MLPH: variants seen among roughly 807,000 people sequenced by gnomAD.
The protein encoded by MLPH is melanophilin.
In MLPH, 51 loss-of-function variants were observed where a neutral mutation model predicts 72.1. That is an observed-to-expected ratio of 0.71 (90% confidence interval 0.56 to 0.89). The LOEUF is 0.89. MLPH is among the 40% of genes least tolerant of loss of function. The pLI, the probability that MLPH is intolerant of heterozygous loss-of-function variation, is 0.00. For synonymous variants in MLPH, 301 were observed against 310.1 expected, an observed-to-expected ratio of 0.97 and a Z score of 0.31; for missense variants, 743 against 759.9, an observed-to-expected ratio of 0.98 and a Z score of 0.26.
chr2:237,528,090 G>A (rs2080342067), intron 8 of MLPH, among the ~76,000 whole-genome samples: 1 of 152,130 alleles, frequency 6.6e-6, no homozygotes, highest in South Asian at 2.1e-4. Flanking sequence ...AATAGAGACA[G>A]AAACTAGAAT....
At chr2:237,516,000 G>A (rs1473597027) in intron 4 of MLPH, among the ~76,000 whole-genome samples, 1 of 152,242 alleles carries the variant, frequency 6.6e-6, no homozygotes, top group Non-Finnish European at 1.5e-5. Flanking sequence ...AGGCCACCCT[G>A]GGCCCTGCAC....
chr2:237,505,540 T>G lies in MLPH; in HGVS notation c.111-5034T>G, dbSNP rs1055340217. Among the ~76,000 whole-genome samples, 2 of 152,138 alleles carry G rather than the reference T, an allele frequency of 1.3e-5. No homozygotes were observed. The highest frequency in any genetic ancestry group is 4.8e-5 in the African/African-American group (2 of 41,434). ...GTGGGAGCTTCCCCCTGCTGTGCCT[T>G]CAGGGGTGGCCACCAGCCCCGCCAT... On this transcript the variant is annotated intron_variant, in intron 2 of 15. Coordinates refer to ENST00000264605, the MANE Select transcript of MLPH (RefSeq NM_024101.7). This position sits in a 1 kb window ranked among gnomAD's most constrained non-coding sequence, Gnocchi z 4.5.
intron 6 of MLPH, among the ~76,000 whole-genome samples, chr2:237,524,866 G>C (rs2080268258): frequency 6.6e-6 from 1 of 152,192 alleles, no homozygotes; most frequent in South Asian, 2.1e-4. Flanking sequence ...GCTGGGGCGG[G>C]GCTCGGTCCA....
In MLPH at chr2:237,554,889, T is replaced by C. The variant is rs1396921269; in HGVS notation, c.*1297T>C. ...ACCTGTGAGCACACATTAGCAGCTG[T>C]TTCTCTGACTCCTTGTGGCATCAGA... On this transcript the variant is annotated 3_prime_UTR_variant, in exon 16 of 16. Transcript: ENST00000264605. 6.6e-6 allele frequency: 1 copy of C among 152,250 alleles called. No homozygotes were observed. The highest frequency in any genetic ancestry group is 2.4e-5 in the African/African-American group (1 of 41,452). The allele number at this position is 152,250 out of a possible 1,614,324, so 9.4% of individuals were successfully genotyped here. A position where few individuals can be genotyped will look rare whatever the true frequency, so the allele number is the denominator to read the frequency against.
At chr2:237,536,796 C>T (rs967874571) in intron 9 of MLPH, among the ~76,000 whole-genome samples, 7 of 152,216 alleles carry the variant, frequency 4.6e-5, no homozygotes, top group East Asian at 1.9e-4. Context: ...ACTCGGGACC[C>T]GCTGTCCTGT....
intron 4 of MLPH, chr2:237,518,024 G>A (rs1306706031): frequency 7.6e-6 from 2 of 263,388 alleles, no homozygotes; most frequent in Non-Finnish European, 1.5e-5. Flanking sequence ...GATGAAGGAG[G>A]GAGGGGTGGA....
intron 4 of MLPH, among the ~76,000 whole-genome samples, chr2:237,517,383 G>A (rs1451536118): frequency 2.0e-5 from 3 of 150,832 alleles, no homozygotes; most frequent in Non-Finnish European, 4.4e-5. Flanking sequence ...GGATGGATGG[G>A]CAGATAAGGT....
Position 237,553,621 on chromosome 2 carries a change from C to A in MLPH, c.*29C>A, listed in dbSNP as rs11901745. 1.2e-6 allele frequency: 2 copies of A among 1,614,118 alleles called. No individual in the cohort carries two copies. The highest frequency in any genetic ancestry group is 2.7e-5 in the African/African-American group (2 of 74,950). On this transcript the variant is annotated 3_prime_UTR_variant, in exon 16 of 16. Coordinates refer to ENST00000264605, the MANE Select transcript of MLPH (RefSeq NM_024101.7). ...GACAGGACAGAGAGACAGAGCAGCC[C>A]TGCACTGTTTTCCCTCCACCACAGC...
At chr2:237,550,138 C>T (rs2081002572) in intron 14 of MLPH, among the ~76,000 whole-genome samples, 1 of 152,224 alleles carries the variant, frequency 6.6e-6, no homozygotes, top group East Asian at 1.9e-4. Context: ...AGGCACTTGC[C>T]TCCACGCCTG....
intron 8 of MLPH, among the ~76,000 whole-genome samples, chr2:237,530,458 G>C (rs2080397490): frequency 6.6e-6 from 1 of 152,168 alleles, no homozygotes; most frequent in Admixed American, 6.5e-5. Context: ...TTCTAAAATT[G>C]GGCTAGTGTC....
chr2:237,535,540 C>T (rs957795854), intron 9 of MLPH, among the ~76,000 whole-genome samples: 4 of 152,024 alleles, frequency 2.6e-5, no homozygotes, highest in Non-Finnish European at 4.4e-5. Context: ...GACAGACAGC[C>T]GGGGTGCAGA....
At chr2:237,491,922 C>T (rs991500954) in intron 1 of MLPH, among the ~76,000 whole-genome samples, 36 of 152,190 alleles carry the variant, frequency 2.4e-4, no homozygotes, top group East Asian at 1.9e-4. Flanking sequence ...TGTGACTCGC[C>T]GCCCACTACC....
chr2:237,517,033 ATGGATGGATAGGTAAGTGGATGGG>A lies in MLPH; in HGVS notation c.446-1496_446-1473del, dbSNP rs1222096232. On this transcript the variant is annotated intron_variant, in intron 4 of 15. Coordinates refer to ENST00000264605, the MANE Select transcript of MLPH (RefSeq NM_024101.7). ...GATGGATGGATGGATGGATGGATGG[ATGGATGGATAGGTAAGTGGATGGG>A]TGGATGGATGGATAGGTAAGTGGAT... is the stretch of plus-strand genomic sequence containing the variant. 5.3e-3 allele frequency among the ~76,000 whole-genome samples: 548 copies of A among 103,552 alleles called. 3 individuals carry two copies. The highest frequency in any genetic ancestry group is 0.022 in the African/African-American group (481 of 21,612). The allele number at this position is 103,552 out of a possible 152,430, so 67.9% of individuals were successfully genotyped here. A position where few individuals can be genotyped will look rare whatever the true frequency, so the allele number is the denominator to read the frequency against.
intron 2 of MLPH, among the ~76,000 whole-genome samples, chr2:237,501,929 G>A (rs761009607): frequency 9.2e-5 from 14 of 152,084 alleles, no homozygotes; most frequent in Non-Finnish European, 4.4e-5. Flanking sequence ...CCTTACACTT[G>A]CTTGCTGTAT....
At chr2:237,537,019 G>A (rs968093628) in intron 9 of MLPH, among the ~76,000 whole-genome samples, 3 of 152,210 alleles carry the variant, frequency 2.0e-5, no homozygotes, top group Admixed American at 6.5e-5. Flanking sequence ...CACTGCTCGC[G>A]GAATGGCCCT....
chr2:237,551,206 C>G (rs2081032996), intron 14 of MLPH, among the ~76,000 whole-genome samples: 1 of 152,238 alleles, frequency 6.6e-6, no homozygotes, highest in African/African-American at 2.4e-5. Flanking sequence ...GTCGTGATCC[C>G]TCGAGTTAGG....
At chr2:237,496,988 A>G (rs1177539677) in intron 2 of MLPH, among the ~76,000 whole-genome samples, 2 of 152,154 alleles carry the variant, frequency 1.3e-5, no homozygotes, top group African/African-American at 4.8e-5. Flanking sequence ...CCGGTTTCAT[A>G]GAAGACAATT....
chr2:237,511,241 T>A, intron 4 of MLPH, 140 bp downstream of exon 4: 1 of 682,116 alleles, frequency 1.5e-6, no homozygotes, highest in Non-Finnish European at 2.6e-6. Context: ...TGCACATGCC[T>A]CTCTGTGAAT....
Position 237,512,885 on chromosome 2 carries a change from C to T in MLPH, c.445+1784C>T, listed in dbSNP as rs1559346848. Among the ~76,000 whole-genome samples the T allele has an allele frequency of 6.6e-6, 1 of 152,058 alleles. No individual in the cohort carries two copies. Among genetic ancestry groups the T allele is most frequent in the Non-Finnish European group, 1.5e-5 (1 of 68,008 alleles). ...GAGCTGCTGGAGTTCACACGGCCCA[C>T]CAGAACCTGCTGACTTCAAAATCAT... On this transcript the variant is annotated intron_variant, in intron 4 of 15. Coordinates refer to ENST00000264605, the MANE Select transcript of MLPH (RefSeq NM_024101.7). This position sits in a 1 kb window ranked among gnomAD's most constrained non-coding sequence, Gnocchi z 5.5.
Sources: gnomAD v4.1 joint callset for allele counts (sites outside exome capture counted in the v4.1 genomes callset) on GRCh38, gnomAD v4.1.1 for gene constraint, Gnocchi (gnomAD v3.1) non-coding constraint, MANE v1.5 for transcripts, NCBI Gene and HGNC (gene_info 2026-07-23, HGNC 2026-07-21) for gene names.